Variants in NHLRC2 observed in about 807,000 individuals in gnomAD.
The protein encoded by NHLRC2 is NHL repeat containing 2.
In NHLRC2, 33 loss-of-function variants were observed where a neutral mutation model predicts 68.1. That is an observed-to-expected ratio of 0.48 (90% CI 0.37 to 0.65). The LOEUF (loss-of-function observed/expected upper bound fraction) is 0.65. Ranked by LOEUF, NHLRC2 falls within the 30% of genes least tolerant of loss-of-function variation. NHLRC2 has a pLI of 0.00. For missense variants in NHLRC2, 761 were observed against 853.8 expected (o/e 0.89, Z 1.35); for synonymous variants, 311 against 309.6 (o/e 1.00, Z -0.05).
At chr10:113,856,516 A>C (rs1845760841) in intron 1 of NHLRC2, among the ~76,000 whole-genome samples, 1 of 152,366 alleles carries the variant, frequency 6.6e-6, no homozygotes, top group African/African-American at 2.4e-5. Flanking sequence ...ACATCTATAC[A>C]AATATATGAT....
At chr10:113,884,866 T>TTAAA (rs1271142877) in intron 5 of NHLRC2, among the ~76,000 whole-genome samples, 1 of 151,810 alleles carries the variant, frequency 6.6e-6, no homozygotes, top group African/African-American at 2.4e-5. Flanking sequence ...TGATAACTTC[T>TTAAA]TTAAACTTTT....
At chr10:113,856,143 C>T (rs1483158534) in intron 1 of NHLRC2, among the ~76,000 whole-genome samples, 1 of 152,190 alleles carries the variant, frequency 6.6e-6, no homozygotes, top group Non-Finnish European at 1.5e-5. Flanking sequence ...AACAGATATT[C>T]CCGGCAGGGA....
At chr10:113,882,612 T>C (rs1396767683) in intron 4 of NHLRC2, among the ~76,000 whole-genome samples, 1 of 151,806 alleles carries the variant, frequency 6.6e-6, no homozygotes, top group Non-Finnish European at 1.5e-5. Flanking sequence ...AGATATATGA[T>C]TTACAAATGA....
rs1482499563 is a variant in NHLRC2 at position 113,898,226 on chromosome 10, C to G, written c.1139+17C>G. 2.0e-6 allele frequency: 3 copies of G among 1,488,334 alleles called. No individual in the cohort carries two copies. Among genetic ancestry groups the G allele is most frequent in the South Asian group, 1.1e-5 (1 of 88,374 alleles). 92.2% of individuals were successfully genotyped at this position (1,488,334 alleles called of 1,614,324 possible). A position where few individuals can be genotyped will look rare whatever the true frequency, so the allele number is the denominator to read the frequency against. On this transcript the variant is annotated intron_variant, in intron 6 of 10. Transcript: ENST00000369301. The stretch of plus-strand genomic sequence containing the variant: ...AAAGAAAAAGTAAGTGACAGCCTCT[C>G]TCTTTGAGTAGACTGTACTACTTGG...
At chr10:113,899,912 C>G (rs1033569883) in intron 6 of NHLRC2, among the ~76,000 whole-genome samples, 1 of 151,038 alleles carries the variant, frequency 6.6e-6, no homozygotes, top group African/African-American at 2.4e-5. Context: ...GAGTGAGACT[C>G]CGTTTAAAAA....
chr10:113,903,786 C>T (rs1349518213), intron 9 of NHLRC2, 50 bp downstream of exon 9: 5 of 1,075,040 alleles, frequency 4.7e-6, no homozygotes, highest in Non-Finnish European at 7.2e-6. Flanking sequence ...AAGAATGATA[C>T]TAAGATCCTC....
chr10:113,899,822 G>A (rs1051084630), intron 6 of NHLRC2, among the ~76,000 whole-genome samples: 4 of 152,110 alleles, frequency 2.6e-5, no homozygotes, highest in African/African-American at 9.7e-5. Flanking sequence ...GGAGGCTGTG[G>A]CAGGAGAATC....
chr10:113,883,040 C>A (rs186715610), intron 4 of NHLRC2, among the ~76,000 whole-genome samples: 74 of 151,858 alleles, frequency 4.9e-4, no homozygotes, highest in African/African-American at 1.7e-3. Context: ...GTCTTTATGC[C>A]AGTACCTTAC....
At chr10:113,860,797 G>A (rs1845808848) in intron 2 of NHLRC2, among the ~76,000 whole-genome samples, 1 of 152,190 alleles carries the variant, frequency 6.6e-6, no homozygotes, top group Non-Finnish European at 1.5e-5. Flanking sequence ...TCACTACAGA[G>A]GCTCCTTGAC....
intron 2 of NHLRC2, among the ~76,000 whole-genome samples, chr10:113,869,773 C>T (rs1564851535): frequency 6.6e-6 from 1 of 152,126 alleles, no homozygotes; most frequent in Non-Finnish European, 1.5e-5. Flanking sequence ...AGATTTAACT[C>T]ATGGATTCTT....
At chr10:113,860,872 A>G (rs1401980500) in intron 2 of NHLRC2, among the ~76,000 whole-genome samples, 1 of 152,226 alleles carries the variant, frequency 6.6e-6, no homozygotes, top group Non-Finnish European at 1.5e-5. Context: ...AGTATGTTTA[A>G]TGCTTGGTAG....
At chr10:113,884,117 C>G in intron 4 of NHLRC2, 134 bp from the exon 5 acceptor site, 1 of 620,086 alleles carries the variant, frequency 1.6e-6, no homozygotes, top group South Asian at 2.8e-5. Context: ...AATTGATTGG[C>G]CTTTTTTCAT....
At chr10:113,893,174 C>T (rs977522983) in intron 5 of NHLRC2, among the ~76,000 whole-genome samples, 2 of 152,064 alleles carry the variant, frequency 1.3e-5, no homozygotes, top group Non-Finnish European at 2.9e-5. Flanking sequence ...GAGTAGGAGG[C>T]TGTGGGTACA....
chr10:113,875,476 G>C (rs1564852699), intron 2 of NHLRC2, among the ~76,000 whole-genome samples: 1 of 152,066 alleles, frequency 6.6e-6, no homozygotes, highest in African/African-American at 2.4e-5. Flanking sequence ...AGTTGCAGTG[G>C]GATTTCTGTT....
In NHLRC2 at chr10:113,913,010, T is replaced by C. The variant is rs1343276811; in HGVS notation, c.*4474T>C. The stretch of plus-strand genomic sequence containing the variant: ...TAGATATTTATTGAGTAGATATTTA[T>C]TGAGTTCTTTCTATTTTCCAGCACT... On this transcript the variant is annotated 3_prime_UTR_variant, in exon 11 of 11. Transcript: ENST00000369301. 1 of 152,232 alleles carries C rather than the reference T, an allele frequency of 6.6e-6. No homozygotes were observed. The highest frequency in any genetic ancestry group is 1.5e-5 in the Non-Finnish European group (1 of 68,034). The allele number at this position is 152,232 out of a possible 1,614,324, so 9.4% of individuals were successfully genotyped here.
chr10:113,912,605 A>G lies in NHLRC2; in HGVS notation c.*4069A>G, dbSNP rs1484593693. 1 of 152,202 alleles carries G rather than the reference A, an allele frequency of 6.6e-6. No individual in the cohort carries two copies. Among genetic ancestry groups the G allele is most frequent in the Non-Finnish European group, 1.5e-5 (1 of 68,046 alleles). 9.4% of individuals were successfully genotyped at this position (152,202 alleles called of 1,614,324 possible). On this transcript the variant is annotated 3_prime_UTR_variant, in exon 11 of 11. Transcript: ENST00000369301. ...CAACAACCTGCACCAGAGTACTTAT[A>G]TCTTAACCAAAAAGTTTCACTTCAA...
At chr10:113,899,067 C>T (rs1281795963) in intron 6 of NHLRC2, among the ~76,000 whole-genome samples, 1 of 152,092 alleles carries the variant, frequency 6.6e-6, no homozygotes, top group Non-Finnish European at 1.5e-5. Flanking sequence ...CCTCACTGTA[C>T]CTGGTGTATA....
intron 9 of NHLRC2, 40 bp from the exon 10 acceptor site, chr10:113,904,777 A>T: frequency 7.1e-7 from 1 of 1,414,194 alleles, no homozygotes; most frequent in Non-Finnish European, 1.0e-6. Context: ...AATTAATATA[A>T]AGTTCTTGTG....
intron 2 of NHLRC2, among the ~76,000 whole-genome samples, chr10:113,870,221 T>C (rs928960382): frequency 6.6e-6 from 1 of 152,152 alleles, no homozygotes; most frequent in East Asian, 1.9e-4. Flanking sequence ...TCATTTTAAG[T>C]CCCCCCATCT....
Sources: allele counts gnomAD v4.1 joint callset (sites outside exome capture counted in the v4.1 genomes callset), GRCh38; gene constraint gnomAD v4.1.1; transcripts MANE v1.5; gene names NCBI Gene and HGNC (gene_info 2026-07-23, HGNC 2026-07-21).